GPC3: variants seen among roughly 807,000 people sequenced by gnomAD.
The protein encoded by GPC3 is glypican-3.
A neutral mutation model predicts 34.4 loss-of-function variants in GPC3; 3 were observed. The ratio of observed to expected loss-of-function variants is 0.09; its 90% CI spans 0.04 to 0.23. The LOEUF (loss-of-function observed/expected upper bound fraction) is 0.23. Ranked by LOEUF, GPC3 falls within the 10% of genes least tolerant of loss-of-function variation. GPC3 has a pLI of 1.00. For synonymous variants in GPC3, 177 were observed against 174.0 expected, an observed-to-expected ratio of 1.02 and a Z score of -0.13; for missense variants, 351 against 445.6, an observed-to-expected ratio of 0.79 and a Z score of 1.91.
At chrX:133,563,975 T>C (rs191929247) in intron 7 of GPC3, among the ~76,000 whole-genome samples, 24 of 109,767 alleles carry the variant, frequency 2.2e-4, no homozygotes, top group Admixed American at 2.0e-3. Context: ...TATGAAATCA[T>C]AACCAAGCAG....
intron 2 of GPC3, among the ~76,000 whole-genome samples, chrX:133,874,917 G>C (rs2076008907): frequency 8.9e-6 from 1 of 111,996 alleles, no homozygotes; most frequent in African/African-American, 3.2e-5. Context: ...TTAGGGTCTT[G>C]CTTTTAAAAG....
chrX:133,785,487 A>AG (rs1162431622), intron 2 of GPC3, among the ~76,000 whole-genome samples: 1 of 112,047 alleles, frequency 8.9e-6, no homozygotes, highest in East Asian at 2.8e-4. Context: ...ATCGATAAGT[A>AG]GGTAGATAGC....
chrX:133,687,177 C>T (rs1257517903), intron 5 of GPC3, among the ~76,000 whole-genome samples: 3 of 96,485 alleles, frequency 3.1e-5, no homozygotes, highest in Non-Finnish European at 4.1e-5. Flanking sequence ...CTCCTGACCT[C>T]GTGATCCGCC....
intron 3 of GPC3, among the ~76,000 whole-genome samples, chrX:133,735,732 G>C (rs1049585920): frequency 7.2e-5 from 8 of 110,711 alleles, no homozygotes; most frequent in African/African-American, 2.3e-4. Context: ...GGAGGCTGAG[G>C]GGGGTGGATT....
At chrX:133,550,387 C>T (rs993615468) in intron 7 of GPC3, among the ~76,000 whole-genome samples, 2 of 111,290 alleles carry the variant, frequency 1.8e-5, no homozygotes, top group African/African-American at 6.5e-5. Context: ...TCACTTCAAG[C>T]CAAATAAATC....
At chrX:133,565,860 A>G (rs2069577299) in intron 7 of GPC3, among the ~76,000 whole-genome samples, 1 of 112,445 alleles carries the variant, frequency 8.9e-6, no homozygotes, top group South Asian at 3.7e-4. Context: ...TGAGGAAGAG[A>G]CAGACCTCAA....
intron 2 of GPC3, among the ~76,000 whole-genome samples, chrX:133,772,649 A>C (rs1352182339): frequency 8.9e-6 from 1 of 112,275 alleles, no homozygotes; most frequent in Non-Finnish European, 1.9e-5. Context: ...ACGTGATGTC[A>C]GAAGACCAGT....
chrX:133,870,866 T>A (rs1233197831), intron 2 of GPC3, among the ~76,000 whole-genome samples: 1 of 112,139 alleles, frequency 8.9e-6, no homozygotes, highest in Non-Finnish European at 1.9e-5. Flanking sequence ...CTAACCTCCA[T>A]CCTTTTCCAC....
intron 2 of GPC3, among the ~76,000 whole-genome samples, chrX:133,868,091 A>T (rs925226929): frequency 2.2e-4 from 25 of 111,766 alleles, no homozygotes; most frequent in Non-Finnish European, 4.5e-4. Flanking sequence ...AAAAGCTGTC[A>T]CACTGGCCCT....
chrX:133,906,329 T>C lies in GPC3; in HGVS notation c.337+46721A>G, dbSNP rs539841299. 3.1e-4 allele frequency among the ~76,000 whole-genome samples: 35 copies of C among 112,300 alleles called. No individual in the cohort carries two copies. The South Asian group carries it at 0.013, about 42-fold the overall frequency. On this transcript the variant is annotated intron_variant, in intron 2 of 7. Transcript: ENST00000370818. The stretch of plus-strand genomic sequence containing the variant: ...CATAAGAAATTAAGTTTGCATCAAA[T>C]GTGCCTGTGAACATGCCTTCTACAT...
At chrX:133,762,202 G>T (rs1018053560) in intron 2 of GPC3, among the ~76,000 whole-genome samples, 2 of 112,133 alleles carry the variant, frequency 1.8e-5, no homozygotes, top group African/African-American at 6.5e-5. Context: ...AAATGTTTAT[G>T]TTTATAAATG....
chrX:133,579,414 A>G (rs887662887), intron 7 of GPC3, among the ~76,000 whole-genome samples: 1 of 112,821 alleles, frequency 8.9e-6, no homozygotes, highest in South Asian at 3.7e-4. Flanking sequence ...CTGAGCACCA[A>G]TTAGGTCCCA....
rs781615101 is a variant in GPC3 at position 133,907,100 on chromosome X, C to CA, written c.337+45949dup. ...TGGGCGACAGAGTGAGACTCCATCT[C>CA]AAAAAAAAAAAAAAAGTTGTAGTCT... On this transcript the variant is annotated intron_variant, in intron 2 of 7. Transcript: ENST00000370818. 3.1e-3 allele frequency among the ~76,000 whole-genome samples: 250 copies of CA among 81,669 alleles called. 1 individual carries two copies. Among genetic ancestry groups the CA allele is most frequent in the Admixed American group, 6.4e-3 (45 of 7,083 alleles). 70.9% of individuals were successfully genotyped at this position (81,669 alleles called of 115,157 possible).
At chrX:133,753,184 T>C (rs1308571209) in intron 3 of GPC3, among the ~76,000 whole-genome samples, 1 of 112,321 alleles carries the variant, frequency 8.9e-6, no homozygotes, top group African/African-American at 3.2e-5. Flanking sequence ...CTTTAACAAA[T>C]GTCATTCCCT....
chrX:133,958,527 A>C (rs1204927559), intron 1 of GPC3, among the ~76,000 whole-genome samples: 1 of 101,687 alleles, frequency 9.8e-6, no homozygotes, highest in Non-Finnish European at 2.0e-5. Flanking sequence ...CCTGGACAAC[A>C]GAGTGAGACC....
intron 2 of GPC3, among the ~76,000 whole-genome samples, chrX:133,756,904 T>C (rs1024660761): frequency 1.8e-5 from 2 of 112,460 alleles, no homozygotes; most frequent in Admixed American, 9.4e-5. Context: ...GGGAGACTTA[T>C]AGAAACCAAC....
intron 2 of GPC3, among the ~76,000 whole-genome samples, chrX:133,759,021 A>G (rs777314707): frequency 3.6e-5 from 4 of 111,456 alleles, no homozygotes; most frequent in Non-Finnish European, 7.5e-5. Flanking sequence ...ACTCCTATTC[A>G]ACATTATACT....
chrX:133,707,908 C>A (rs1045484111), intron 3 of GPC3, among the ~76,000 whole-genome samples: 4 of 110,828 alleles, frequency 3.6e-5, no homozygotes, highest in Non-Finnish European at 7.6e-5. Flanking sequence ...TAAACACTAC[C>A]TCATAATGTA....
At chrX:133,750,155 T>C (rs1461831582) in intron 3 of GPC3, among the ~76,000 whole-genome samples, 2 of 112,106 alleles carry the variant, frequency 1.8e-5, no homozygotes, top group Non-Finnish European at 3.8e-5. Context: ...AGGGCCTGCA[T>C]CACTGAGCAC....
Sources: gnomAD v4.1 joint callset for allele counts (sites outside exome capture counted in the v4.1 genomes callset) on GRCh38, gnomAD v4.1.1 for gene constraint, MANE v1.5 for transcripts, NCBI Gene and HGNC (gene_info 2026-07-23, HGNC 2026-07-21) for gene names.